USP2: variants seen among roughly 807,000 people sequenced by gnomAD.
USP2 encodes ubiquitin specific peptidase 2.
In USP2, 33 loss-of-function variants were observed where a neutral mutation model predicts 72.0. The observed-to-expected ratio is 0.46, with a 90% CI of 0.35 to 0.61. The LOEUF is 0.61. Ranked by LOEUF, USP2 falls within the 20% of genes least tolerant of loss-of-function variation. USP2 has a pLI of 0.01. For synonymous variants in USP2, 296 were observed against 312.5 expected, an observed-to-expected ratio of 0.95 and a Z score of 0.56; for missense variants, 691 against 797.8, an observed-to-expected ratio of 0.87 and a Z score of 1.61.
In USP2 at chr11:119,356,443, G is replaced by A. The variant is rs114076992; in HGVS notation, c.*392C>T. 6.0e-3 allele frequency: 1,056 copies of A among 176,028 alleles called. 12 individuals are homozygous for A. The highest frequency in any genetic ancestry group is 0.024 in the African/African-American group (1,004 of 42,204). 10.9% of individuals were successfully genotyped at this position (176,028 alleles called of 1,614,324 possible). On this transcript the variant is annotated 3_prime_UTR_variant, in exon 13 of 13. Transcript: ENST00000260187. ...GCTCCTCCGCGGCGCGGGCGTCCAG[G>A]CGGTGATGCTCCCAGCGAGCTCCAG...
At chr11:119,379,448 A>T (rs1951036243) in intron 1 of USP2, 1 of 368,270 alleles carries the variant, frequency 2.7e-6, no homozygotes, top group Non-Finnish European at 3.8e-6. Context: ...AGAGAACAGG[A>T]AGAAGCCATA....
chr11:119,368,830 C>T (rs1950889004), intron 2 of USP2, among the ~76,000 whole-genome samples: 1 of 152,170 alleles, frequency 6.6e-6, no homozygotes, highest in Non-Finnish European at 1.5e-5. Context: ...GAGAGGGTGG[C>T]CTGGGCAGGG....
chr11:119,359,213 T>C lies in USP2; in HGVS notation c.1061+18A>G. 3 of 1,612,836 alleles carry C rather than the reference T, an allele frequency of 1.9e-6. No individual in the cohort carries two copies. Among genetic ancestry groups the C allele is most frequent in the Non-Finnish European group, 1.7e-6 (2 of 1,178,910 alleles). The stretch of plus-strand genomic sequence containing the variant: ...CTACTGCCACCCACCTGAGAGGACA[T>C]GTCTGCAAGGCCCTTACTTATAGCC... On this transcript the variant is annotated intron_variant, in intron 5 of 12. Coordinates refer to ENST00000260187, the MANE Select transcript of USP2 (RefSeq NM_004205.5).
chr11:119,373,385 C>T lies in USP2; in HGVS notation c.96G>A (p.Pro32=), dbSNP rs587985. 992,651 of 1,609,850 alleles carry T rather than the reference C, an allele frequency of 0.62. 308,020 individuals carry two copies. The highest frequency in any genetic ancestry group is 0.83 in the East Asian group (37,386 of 44,856). ...CAGCCAGATTGGCCCCATAGGAGGA[C>T]GGGGTGTAGGCACCATAGCCCGACT... is the stretch of plus-strand genomic sequence containing the variant. ...YAKSGYGAYT[P]SSYGANLAAS... The change falls in exon 2 of 13, where the codon CCG becomes CCA. Residue 32 remains proline, a synonymous_variant. Transcript: ENST00000260187.
chr11:119,376,330 C>T (rs1338480448), intron 1 of USP2: 10 of 985,606 alleles, frequency 1.0e-5, no homozygotes, highest in East Asian at 1.1e-4. Context: ...CGGGCACTCA[C>T]GTGGCTGCGA....
chr11:119,370,672 C>G (rs951900992), intron 2 of USP2, among the ~76,000 whole-genome samples: 12 of 152,222 alleles, frequency 7.9e-5, no homozygotes, highest in Non-Finnish European at 1.6e-4. Context: ...GGAGAGGCCT[C>G]TGCTGGTTGG....
chr11:119,371,684 C>G (rs1950928743), intron 2 of USP2, among the ~76,000 whole-genome samples: 1 of 152,182 alleles, frequency 6.6e-6, no homozygotes, highest in East Asian at 1.9e-4. Flanking sequence ...CTGTTGTTTT[C>G]AAAATGTATT....
rs781021236 is a variant in USP2, at chr11:119,359,642, G to C, written c.844C>G (p.Leu282Val). Residue 282 changes from leucine to valine, a missense_variant, in exon 4 of 13, where the codon CTG (leucine) becomes GTG (valine). By Grantham distance (32) the Leu-to-Val change is conservative. Transcript: ENST00000260187. Reference protein sequence around the residue: ...LGNTCFMNSILQCLSNTRELR... With the variant: ...LGNTCFMNSIVQCLSNTRELR... ...TCCCGAGTGTTGCTCAGGCACTGCAGAATTGAGTTCATGAAGCACTGCAAG... is the reference window on the plus strand; with the variant it reads ...TCCCGAGTGTTGCTCAGGCACTGCACAATTGAGTTCATGAAGCACTGCAAG... 32 of 1,613,730 alleles carry C rather than the reference G, an allele frequency of 2.0e-5. No homozygotes were observed. The highest frequency in any genetic ancestry group is 2.7e-5 in the Non-Finnish European group (32 of 1,180,046).
At chr11:119,366,174 C>A (rs754828190) in intron 2 of USP2, among the ~76,000 whole-genome samples, 1 of 152,134 alleles carries the variant, frequency 6.6e-6, no homozygotes, top group African/African-American at 2.4e-5. Flanking sequence ...GGATTACAGG[C>A]GTGAGCCACC....
rs1436307082 is a variant in USP2, at chr11:119,381,618, C to T, written c.-187G>A. The T allele has an allele frequency of 1.4e-6, 2 of 1,459,966 alleles. No individual in the cohort carries two copies. Among genetic ancestry groups the T allele is most frequent in the African/African-American group, 1.4e-5 (1 of 71,392 alleles). The allele number at this position is 1,459,966 out of a possible 1,614,324, so 90.4% of individuals were successfully genotyped here. On this transcript the variant is annotated 5_prime_UTR_variant, in exon 1 of 13. Transcript: ENST00000260187. ...CGGCTCCTGCCTGACTCTCTCCCACCTCCGCCGGGGGCCCAGAAGGGACCT... is the reference window on the plus strand; with the variant it reads ...CGGCTCCTGCCTGACTCTCTCCCACTTCCGCCGGGGGCCCAGAAGGGACCT...
At chr11:119,371,523 A>C (rs144633348) in intron 2 of USP2, among the ~76,000 whole-genome samples, 194 of 152,246 alleles carry the variant, frequency 1.3e-3, no homozygotes, top group African/African-American at 4.6e-3. Context: ...CACAGATGGC[A>C]CAACAAAGCC....
At chr11:119,359,459 C>A (rs1244634578) in intron 4 of USP2, 78 bp downstream of exon 4, 1 of 1,602,260 alleles carries the variant, frequency 6.2e-7, no homozygotes, top group Admixed American at 1.7e-5. Flanking sequence ...GTGTCTAAGA[C>A]ACAACACCTA....
At chr11:119,377,221 A>T (rs1468381195) in intron 1 of USP2, among the ~76,000 whole-genome samples, 1 of 152,170 alleles carries the variant, frequency 6.6e-6, no homozygotes, top group Non-Finnish European at 1.5e-5. Context: ...GCTGGGAGTG[A>T]TGTGGATTTC....
intron 2 of USP2, among the ~76,000 whole-genome samples, chr11:119,362,716 A>G (rs1356712287): frequency 1.3e-5 from 2 of 152,216 alleles, no homozygotes; most frequent in Non-Finnish European, 2.9e-5. Flanking sequence ...CCAGAACTGC[A>G]GAAGGTGGGA....
At chr11:119,375,753 C>T (rs949579218) in intron 1 of USP2, among the ~76,000 whole-genome samples, 5 of 152,244 alleles carry the variant, frequency 3.3e-5, no homozygotes, top group Non-Finnish European at 5.9e-5. Context: ...CTCCCTCTCC[C>T]TCCCCCACAG....
chr11:119,357,324 C>T lies in USP2; in HGVS notation c.1610-17G>A, dbSNP rs199887814. The stretch of plus-strand genomic sequence containing the variant: ...CAGCATGGTCTGAGGAGGAGGCAGC[C>T]GTCAAGCCCCCGAGGCCCCCCTGCC... On this transcript the variant is annotated splice_polypyrimidine_tract_variant and intron_variant, in intron 11 of 12. Coordinates refer to ENST00000260187, the MANE Select transcript of USP2 (RefSeq NM_004205.5). 2.5e-6 allele frequency: 4 copies of T among 1,612,440 alleles called. No homozygotes were observed. The highest frequency in any genetic ancestry group is 1.7e-4 in the Middle Eastern group (1 of 6,042).
In USP2 at chr11:119,364,200, C is replaced by G. The variant is rs923888018; in HGVS notation, c.775-3966G>C. On this transcript the variant is annotated intron_variant, in intron 2 of 12. Coordinates refer to ENST00000260187, the MANE Select transcript of USP2 (RefSeq NM_004205.5). Reference sequence around the variant, plus strand: ...AGCCCGGGTCCCGGCTCTCGCGCTCCGGCCGACTGGCGGCCCCGCCGGCGC... The same window carrying G: ...AGCCCGGGTCCCGGCTCTCGCGCTCGGGCCGACTGGCGGCCCCGCCGGCGC... 1.1e-4 allele frequency: 128 copies of G among 1,156,084 alleles called. No homozygotes were observed. In the Admixed American group the frequency reaches 3.5e-3, roughly 32 times the overall value. 71.6% of individuals were successfully genotyped at this position (1,156,084 alleles called of 1,614,324 possible).
At position 119,381,686 on chromosome 11, in the gene USP2, C is replaced by A; in HGVS notation, c.-255G>T. The A allele has an allele frequency of 1.2e-6, 1 of 819,166 alleles. No homozygotes were observed. The highest frequency in any genetic ancestry group is 2.7e-5 in the East Asian group (1 of 37,580). 50.7% of individuals were successfully genotyped at this position (819,166 alleles called of 1,614,324 possible). A position where few individuals can be genotyped will look rare whatever the true frequency, so the allele number is the denominator to read the frequency against. On this transcript the variant is annotated 5_prime_UTR_variant, in exon 1 of 13. Coordinates refer to ENST00000260187, the MANE Select transcript of USP2 (RefSeq NM_004205.5). Reference sequence around the variant, plus strand: ...CACCCAGCGGGCAGCCGCCTCATCGCGCCTGGGCCGGCAGAGCCACACCCC... The same window carrying A: ...CACCCAGCGGGCAGCCGCCTCATCGAGCCTGGGCCGGCAGAGCCACACCCC...
chr11:119,371,573 G>A (rs986904002), intron 2 of USP2, among the ~76,000 whole-genome samples: 3 of 152,126 alleles, frequency 2.0e-5, no homozygotes, highest in African/African-American at 7.2e-5. Flanking sequence ...GCTCTCTCAA[G>A]ACCTTTAGTT....
Sources: gnomAD v4.1 joint callset for allele counts (sites outside exome capture counted in the v4.1 genomes callset) on GRCh38, gnomAD v4.1.1 for gene constraint, MANE v1.5 for transcripts, NCBI Gene and HGNC (gene_info 2026-07-23, HGNC 2026-07-21) for gene names.